Variants in NKAIN3 observed in about 807,000 individuals in gnomAD.
NKAIN3 encodes the protein sodium/potassium transporting ATPase interacting 3.
Under a neutral mutation model 30.2 loss-of-function variants are expected in NKAIN3, and 25 were observed. The observed-to-expected ratio is 0.83, with a 90% CI of 0.60 to 1.16. NKAIN3 has a LOEUF of 1.16. Among genes scored for constraint, NKAIN3 ranks in the 50% most tolerant of loss-of-function variants. NKAIN3 has a pLI of 0.00. For synonymous variants in NKAIN3, 91 were observed against 89.6 expected (o/e 1.02, Z -0.09); for missense variants, 225 against 254.1 (o/e 0.89, Z 0.78).
chr8:62,629,229 T>C (rs1386485565), intron 3 of NKAIN3, among the ~76,000 whole-genome samples: 1 of 152,136 alleles, frequency 6.6e-6, no homozygotes, highest in Non-Finnish European at 1.5e-5. Context: ...CTCACTTGTA[T>C]GGATGTATTT....
intron 4 of NKAIN3, among the ~76,000 whole-genome samples, chr8:62,781,686 G>A (rs576631485): frequency 5.6e-4 from 84 of 151,266 alleles, no homozygotes; most frequent in South Asian, 2.5e-3. Context: ...AAAATAAACC[G>A]TCTTCAAAAA....
In NKAIN3 at chr8:62,853,739, A is replaced by G. The variant is rs189063726; in HGVS notation, c.472-64714A>G. ...AGCTCTGATGTTGGTTATTTTTGCT[A>G]GCTTTCAGGTTTGTGTGCTCTTGGT... On this transcript the variant is annotated intron_variant, in intron 4 of 6. Transcript: ENST00000623646. Among the ~76,000 whole-genome samples the G allele has an allele frequency of 2.1e-3, 320 of 152,032 alleles. 1 individual carries two copies. Among genetic ancestry groups the G allele is most frequent in the Middle Eastern group, 6.8e-3 (2 of 294 alleles).
chr8:62,525,764 G>A (rs1055348563), intron 1 of NKAIN3, among the ~76,000 whole-genome samples: 5 of 152,090 alleles, frequency 3.3e-5, no homozygotes, highest in Non-Finnish European at 7.4e-5. Context: ...TGAAAGCTGA[G>A]GCAAGTTGGT....
chr8:62,507,489 A>G (rs1371257221), intron 1 of NKAIN3, among the ~76,000 whole-genome samples: 1 of 152,186 alleles, frequency 6.6e-6, no homozygotes, highest in Non-Finnish European at 1.5e-5. Context: ...TGTACCTAAA[A>G]TTAATACACA....
At chr8:62,588,453 A>G (rs1810546674) in intron 2 of NKAIN3, among the ~76,000 whole-genome samples, 1 of 151,862 alleles carries the variant, frequency 6.6e-6, no homozygotes, top group Non-Finnish European at 1.5e-5. Context: ...AAAAACAAAT[A>G]TATGATGGAA....
chr8:62,324,580 C>A (rs1158775735), intron 1 of NKAIN3, among the ~76,000 whole-genome samples: 4 of 151,992 alleles, frequency 2.6e-5, no homozygotes, highest in Non-Finnish European at 2.9e-5. Context: ...CATATTTTGT[C>A]AGGAAATATT....
intron 1 of NKAIN3, among the ~76,000 whole-genome samples, chr8:62,543,011 G>A (rs1808893080): frequency 6.6e-6 from 1 of 152,168 alleles, no homozygotes; most frequent in Non-Finnish European, 1.5e-5. Context: ...TGAAGTGGTG[G>A]AAAGAGGTGC....
chr8:62,251,196 C>T (rs1812090288), intron 1 of NKAIN3, among the ~76,000 whole-genome samples: 1 of 152,062 alleles, frequency 6.6e-6, no homozygotes, highest in Non-Finnish European at 1.5e-5. Context: ...AGTTGATATT[C>T]ATAAACAGTT....
At chr8:62,525,481 G>A (rs1808275847) in intron 1 of NKAIN3, among the ~76,000 whole-genome samples, 2 of 152,122 alleles carry the variant, frequency 1.3e-5, no homozygotes, top group Admixed American at 1.3e-4. Context: ...CCACTTATCA[G>A]TGAAAACATG....
rs192186015 is a variant in NKAIN3 at position 62,968,211 on chromosome 8, C to T, written c.*2804C>T. ...TCCTGGTTTCTCTTTGAGGGCTATG[C>T]TTCTGTAAGACAAAGGGAAAAAAAG... On this transcript the variant is annotated 3_prime_UTR_variant, in exon 7 of 7. Transcript: ENST00000623646. Among the ~76,000 whole-genome samples the T allele has an allele frequency of 1.1e-3, 173 of 152,168 alleles. 2 individuals are homozygous for T. The highest frequency in any genetic ancestry group is 3.4e-3 in the African/African-American group (142 of 41,500).
At chr8:62,686,101 C>A (rs922663756) in intron 3 of NKAIN3, among the ~76,000 whole-genome samples, 1 of 152,122 alleles carries the variant, frequency 6.6e-6, no homozygotes. Flanking sequence ...CCTATCACGG[C>A]TTACTCTCCA....
At chr8:62,586,820 C>T (rs1810490943) in intron 2 of NKAIN3, among the ~76,000 whole-genome samples, 1 of 151,750 alleles carries the variant, frequency 6.6e-6, no homozygotes, top group Non-Finnish European at 1.5e-5. Flanking sequence ...TATTATAGGT[C>T]TTGTCTATGT....
intron 5 of NKAIN3, among the ~76,000 whole-genome samples, chr8:62,994,145 T>C (rs1167820882): frequency 6.6e-6 from 1 of 152,192 alleles, no homozygotes; most frequent in Non-Finnish European, 1.5e-5. Context: ...CCCACATATG[T>C]GTAAAAAAGT....
intron 1 of NKAIN3, among the ~76,000 whole-genome samples, chr8:62,488,090 G>C (rs955688784): frequency 6.6e-6 from 1 of 152,076 alleles, no homozygotes; most frequent in South Asian, 2.1e-4. Context: ...TCTTTAAACT[G>C]AAGTTTTATA....
intron 5 of NKAIN3, among the ~76,000 whole-genome samples, chr8:62,920,393 T>G (rs1410996133): frequency 6.6e-6 from 1 of 152,224 alleles, no homozygotes; most frequent in Non-Finnish European, 1.5e-5. Context: ...ATCAATAGTC[T>G]TATTATGTAG....
chr8:62,875,674 A>G (rs1820774960), intron 4 of NKAIN3, among the ~76,000 whole-genome samples: 1 of 152,096 alleles, frequency 6.6e-6, no homozygotes, highest in South Asian at 2.1e-4. Context: ...AACAACACAA[A>G]TCTACAACCA....
chr8:62,753,948 A>G (rs1423100096), intron 4 of NKAIN3, among the ~76,000 whole-genome samples: 1 of 152,178 alleles, frequency 6.6e-6, no homozygotes, highest in Non-Finnish European at 1.5e-5. Context: ...TTAAGACCAT[A>G]TATAAAACAT....
chr8:62,812,041 C>A (rs1302485708), intron 4 of NKAIN3, among the ~76,000 whole-genome samples: 6 of 151,854 alleles, frequency 4.0e-5, no homozygotes, highest in Non-Finnish European at 8.8e-5. Context: ...TTAGGTCAAG[C>A]TTTATTTTTG....
chr8:62,646,107 T>G (rs545053242), intron 3 of NKAIN3, among the ~76,000 whole-genome samples: 2 of 141,922 alleles, frequency 1.4e-5, no homozygotes, highest in Admixed American at 1.4e-4. Flanking sequence ...TGCAATGGCC[T>G]AAAAATCAAA....
Sources: allele counts gnomAD v4.1 joint callset (sites outside exome capture counted in the v4.1 genomes callset), GRCh38; gene constraint gnomAD v4.1.1; transcripts MANE v1.5; gene names NCBI Gene and HGNC (gene_info 2026-07-23, HGNC 2026-07-21).